GPC6: variants seen among roughly 807,000 people sequenced by gnomAD.
GPC6 encodes the protein glypican-6.
In GPC6, 14 loss-of-function variants were observed where a neutral mutation model predicts 55.2. The ratio of observed to expected loss-of-function variants is 0.25; its 90% CI spans 0.17 to 0.40. The LOEUF is 0.40. Ranked by LOEUF, GPC6 falls within the 10% of genes least tolerant of loss-of-function variation. GPC6 has a pLI of 1.00. For missense variants in GPC6, 641 were observed against 708.5 expected, an observed-to-expected ratio of 0.90 and a Z score of 1.08; for synonymous variants, 278 against 259.6, an observed-to-expected ratio of 1.07 and a Z score of -0.68.
At chr13:93,296,495 T>C (rs1395122243) in intron 1 of GPC6, among the ~76,000 whole-genome samples, 1 of 152,128 alleles carries the variant, frequency 6.6e-6, no homozygotes, top group Non-Finnish European at 1.5e-5. Context: ...GCCTCTTTCT[T>C]TCCTGCCTCC....
chr13:93,934,208 C>T (rs1453981525), intron 3 of GPC6, among the ~76,000 whole-genome samples: 1 of 152,028 alleles, frequency 6.6e-6, no homozygotes, highest in Non-Finnish European at 1.5e-5. Context: ...GATAGCCATT[C>T]GCCACATGTA....
chr13:93,292,441 A>T (rs561875420), intron 1 of GPC6, among the ~76,000 whole-genome samples: 142 of 152,370 alleles, frequency 9.3e-4, no homozygotes, highest in African/African-American at 3.2e-3. Context: ...TAATAAGAGT[A>T]TCTCAAAATA....
At chr13:94,156,914 C>A (rs973315575) in intron 4 of GPC6, among the ~76,000 whole-genome samples, 3 of 152,156 alleles carry the variant, frequency 2.0e-5, no homozygotes, top group African/African-American at 7.2e-5. Flanking sequence ...TTTATATCCT[C>A]AGATTGGCGA....
At chr13:93,229,787 CTT>C (rs1875946942) in intron 1 of GPC6, among the ~76,000 whole-genome samples, 2 of 151,686 alleles carry the variant, frequency 1.3e-5, no homozygotes, top group African/African-American at 2.4e-5. Flanking sequence ...GCCTTGTGTC[CTT>C]TGATGCTGGT....
chr13:93,546,436 C>G (rs1874792312), intron 2 of GPC6, among the ~76,000 whole-genome samples: 1 of 152,078 alleles, frequency 6.6e-6, no homozygotes, highest in African/African-American at 2.4e-5. Flanking sequence ...CAAATTGGTT[C>G]TCAAAGTTAC....
intron 4 of GPC6, among the ~76,000 whole-genome samples, chr13:94,251,766 A>G (rs923241248): frequency 6.6e-6 from 1 of 151,742 alleles, no homozygotes; most frequent in Admixed American, 6.6e-5. Flanking sequence ...ATGAAGGGAA[A>G]AATCAGAGCT....
intron 4 of GPC6, among the ~76,000 whole-genome samples, chr13:94,113,246 TG>T (rs1282465044): frequency 2.0e-5 from 3 of 152,112 alleles, no homozygotes; most frequent in African/African-American, 7.2e-5. Context: ...CTGTGTTCTA[TG>T]AATAAAAAGC....
chr13:93,983,320 G>A lies in GPC6; in HGVS notation c.712-44409G>A, dbSNP rs1043040685. 1.3e-4 allele frequency among the ~76,000 whole-genome samples: 20 copies of A among 152,218 alleles called. No individual in the cohort carries two copies. The South Asian group carries it at 2.9e-3, about 22-fold the overall frequency. On this transcript the variant is annotated intron_variant, in intron 3 of 8. Coordinates refer to ENST00000377047, the MANE Select transcript of GPC6 (RefSeq NM_005708.5). The stretch of plus-strand genomic sequence containing the variant: ...TTTCTCCTGATCACCAAACTGGATC[G>A]TATATAAAATGTAGTTGATGCTGAG...
At chr13:93,327,031 C>G (rs960569711) in intron 1 of GPC6, among the ~76,000 whole-genome samples, 2 of 152,106 alleles carry the variant, frequency 1.3e-5, no homozygotes, top group South Asian at 2.1e-4. Flanking sequence ...GCTTCTTGTT[C>G]TCTTCATTTT....
intron 4 of GPC6, among the ~76,000 whole-genome samples, chr13:94,085,052 G>A (rs1885230533): frequency 1.3e-5 from 2 of 151,986 alleles, no homozygotes; most frequent in Admixed American, 6.6e-5. Context: ...GGCTGGGCAC[G>A]GTGGCTCACA....
intron 3 of GPC6, among the ~76,000 whole-genome samples, chr13:93,918,177 A>C (rs1311523253): frequency 2.0e-5 from 3 of 152,048 alleles, no homozygotes; most frequent in African/African-American, 7.2e-5. Context: ...AGGCCATCAT[A>C]AGTTCATAGG....
At chr13:93,342,318 G>A (rs893026326) in intron 1 of GPC6, among the ~76,000 whole-genome samples, 1 of 152,084 alleles carries the variant, frequency 6.6e-6, no homozygotes, top group Non-Finnish European at 1.5e-5. Flanking sequence ...AGAAGAAGAG[G>A]TTTAATGGAT....
intron 4 of GPC6, among the ~76,000 whole-genome samples, chr13:94,206,060 G>A (rs1889893539): frequency 6.6e-6 from 1 of 152,068 alleles, no homozygotes; most frequent in Non-Finnish European, 1.5e-5. Context: ...ATTTCGATAG[G>A]GCTGAGGTTG....
chr13:93,738,846 T>G (rs1184831548), intron 2 of GPC6, among the ~76,000 whole-genome samples: 1 of 152,058 alleles, frequency 6.6e-6, no homozygotes, highest in Non-Finnish European at 1.5e-5. Flanking sequence ...GTTTTAGCAG[T>G]TCTCTAGTTC....
intron 2 of GPC6, among the ~76,000 whole-genome samples, chr13:93,668,930 T>A (rs1881249935): frequency 6.6e-6 from 1 of 152,214 alleles, no homozygotes; most frequent in African/African-American, 2.4e-5. Flanking sequence ...AGGTGACTTA[T>A]ACGAACAATC....
intron 4 of GPC6, among the ~76,000 whole-genome samples, chr13:94,099,067 T>C (rs1368712523): frequency 6.6e-6 from 1 of 152,122 alleles, no homozygotes; most frequent in Non-Finnish European, 1.5e-5. Flanking sequence ...ACTAAAGCCA[T>C]AACTAATTCA....
intron 2 of GPC6, among the ~76,000 whole-genome samples, chr13:93,676,158 TATATATATATACATAC>T (rs1881615434): frequency 2.6e-4 from 6 of 23,016 alleles, no homozygotes; most frequent in African/African-American, 6.1e-4. Flanking sequence ...TATATATATA[TATATATATATACATAC>T]ACACACACAC....
Position 94,406,228 on chromosome 13 carries a change from G to T in GPC6, c.*3011G>T, listed in dbSNP as rs1471328718. On this transcript the variant is annotated 3_prime_UTR_variant, in exon 9 of 9. Coordinates refer to ENST00000377047, the MANE Select transcript of GPC6 (RefSeq NM_005708.5). ...AGTTATAATATGTATTTTTCTAACA[G>T]AAATACACGTCTGTAATTGGTATAT... 1.3e-5 allele frequency: 2 copies of T among 152,110 alleles called. No homozygotes were observed. Among genetic ancestry groups the T allele is most frequent in the African/African-American group, 4.8e-5 (2 of 41,450 alleles). The allele number at this position is 152,110 out of a possible 1,614,324, so 9.4% of individuals were successfully genotyped here. A position where few individuals can be genotyped will look rare whatever the true frequency, so the allele number is the denominator to read the frequency against.
At chr13:93,574,197 A>G (rs1876549432) in intron 2 of GPC6, among the ~76,000 whole-genome samples, 1 of 152,148 alleles carries the variant, frequency 6.6e-6, no homozygotes, top group Admixed American at 6.5e-5. Context: ...CTCAGAATAT[A>G]CCCTTATTTG....
Sources: allele counts gnomAD v4.1 joint callset (sites outside exome capture counted in the v4.1 genomes callset), GRCh38; gene constraint gnomAD v4.1.1; transcripts MANE v1.5; gene names NCBI Gene and HGNC (gene_info 2026-07-23, HGNC 2026-07-21).